Variants in DENND1A observed in about 807,000 individuals in gnomAD.
DENND1A encodes the protein DENN domain containing 1A, also known as DENN domain-containing protein 1A.
A neutral mutation model predicts 113.7 loss-of-function variants in DENND1A; 51 were observed. That is an observed-to-expected ratio of 0.45 (90% CI 0.36 to 0.57). DENND1A has a LOEUF of 0.57. Among genes scored for constraint, DENND1A ranks in the 20% least tolerant of loss-of-function variants. The pLI, the probability that DENND1A is intolerant of heterozygous loss-of-function variation, is 0.00. For missense variants in DENND1A, 1,258 were observed against 1,395.9 expected, an observed-to-expected ratio of 0.90 and a Z score of 1.57; for synonymous variants, 565 against 570.8, an observed-to-expected ratio of 0.99 and a Z score of 0.14.
At position 123,674,782 on chromosome 9, in the gene DENND1A, T is replaced by C. The variant is rs2063964173; in HGVS notation, c.372+1938A>G. Among the ~76,000 whole-genome samples, 3 of 151,982 alleles carry C rather than the reference T, an allele frequency of 2.0e-5. No individual in the cohort carries two copies. The South Asian group carries it at 6.2e-4, about 32-fold the overall frequency. ...GTTGTACCTACCCTTTTATAATCTTTCCCAAATCACATGTTTTAAAAAGTG... is the reference window on the plus strand; with the variant it reads ...GTTGTACCTACCCTTTTATAATCTTCCCCAAATCACATGTTTTAAAAAGTG... On this transcript the variant is annotated intron_variant, in intron 6 of 23. Transcript: ENST00000394215.
chr9:123,615,417 AAGG>A (rs2060604823), intron 10 of DENND1A, among the ~76,000 whole-genome samples: 1 of 152,224 alleles, frequency 6.6e-6, no homozygotes. Context: ...CCTGCAGAGG[AAGG>A]AGGTTAGGTG....
intron 11 of DENND1A, among the ~76,000 whole-genome samples, chr9:123,590,728 G>A (rs1165780407): frequency 6.6e-6 from 1 of 152,158 alleles, no homozygotes; most frequent in Non-Finnish European, 1.5e-5. Context: ...TTAAATGGAT[G>A]GGTTGTGATA....
intron 11 of DENND1A, among the ~76,000 whole-genome samples, chr9:123,590,521 A>C (rs2059406922): frequency 6.6e-6 from 1 of 152,240 alleles, no homozygotes; most frequent in African/African-American, 2.4e-5. Flanking sequence ...AACCGTACCT[A>C]CCTCACAGAT....
rs1486769152 is a variant in DENND1A, at chr9:123,682,319, T to C, written c.303-5530A>G. Among the ~76,000 whole-genome samples the C allele has an allele frequency of 2.6e-5, 4 of 152,318 alleles. No homozygotes were observed. In the East Asian group the frequency reaches 7.7e-4, roughly 29 times the overall value. ...GAAGCAGTGCCTCCCGGGGGAAGACTTGCGGCAGAGCTGCTTGTGTTCATG... is the reference window on the plus strand; with the variant it reads ...GAAGCAGTGCCTCCCGGGGGAAGACCTGCGGCAGAGCTGCTTGTGTTCATG... On this transcript the variant is annotated intron_variant, in intron 5 of 23. Transcript: ENST00000394215.
intron 12 of DENND1A, among the ~76,000 whole-genome samples, chr9:123,576,422 C>T (rs1164670887): frequency 6.6e-6 from 1 of 152,152 alleles, no homozygotes; most frequent in Non-Finnish European, 1.5e-5. Flanking sequence ...TCATTTTTCC[C>T]CGCTGAAGAA....
chr9:123,399,567 T>A (rs1215406389), intron 21 of DENND1A, among the ~76,000 whole-genome samples: 1 of 152,176 alleles, frequency 6.6e-6, no homozygotes, highest in Non-Finnish European at 1.5e-5. Flanking sequence ...TGTTGGTGAA[T>A]GTCATTCCTC....
chr9:123,403,224 G>A (rs1043879906), intron 21 of DENND1A, among the ~76,000 whole-genome samples, 178 bp downstream of exon 21: 1 of 152,228 alleles, frequency 6.6e-6, no homozygotes, highest in Non-Finnish European at 1.5e-5. Context: ...CCACTGGTGT[G>A]ACAACCAGAC....
intron 5 of DENND1A, among the ~76,000 whole-genome samples, chr9:123,699,692 T>TC (rs11383506): frequency 0.16 from 19,145 of 120,912 alleles, 1,010 homozygotes; most frequent in African/African-American, 0.29. Context: ...TTCTTTCTTT[T>TC]TTTTTTTTTT....
intron 2 of DENND1A, among the ~76,000 whole-genome samples, chr9:123,807,757 G>A (rs1317073699): frequency 6.6e-6 from 1 of 152,200 alleles, no homozygotes; most frequent in Non-Finnish European, 1.5e-5. Flanking sequence ...CCTATTCTGT[G>A]TCACACACTG....
chr9:123,706,145 CT>C (rs368559777), intron 5 of DENND1A, among the ~76,000 whole-genome samples: 13,994 of 132,968 alleles, frequency 0.11, 837 homozygotes, highest in African/African-American at 0.19. Context: ...GATATTTTTT[CT>C]TTTTTTTTTT....
rs530293201 is a variant in DENND1A at position 123,586,881 on chromosome 9, C to T, written c.766-3611G>A. Among the ~76,000 whole-genome samples the T allele has an allele frequency of 1.8e-4, 28 of 152,094 alleles. No individual in the cohort carries two copies. In the East Asian group the frequency reaches 4.1e-3, roughly 22 times the overall value. ...TCTCTGCATGGGAACCAAGTGGGGG[C>T]GCAGAGAGGTCAAACAAGCTGCCCA... On this transcript the variant is annotated intron_variant, in intron 11 of 23. Coordinates refer to ENST00000394215, the MANE Select transcript of DENND1A (RefSeq NM_001352964.2).
At chr9:123,714,534 A>G (rs760317545) in intron 5 of DENND1A, among the ~76,000 whole-genome samples, 9 of 152,260 alleles carry the variant, frequency 5.9e-5, no homozygotes, top group Admixed American at 1.3e-4. Flanking sequence ...CCCAGGAGGC[A>G]GAGATTGCAG....
intron 5 of DENND1A, among the ~76,000 whole-genome samples, chr9:123,715,920 C>T (rs2066945887): frequency 6.6e-6 from 1 of 152,050 alleles, no homozygotes; most frequent in Non-Finnish European, 1.5e-5. Context: ...AAGCGATCCC[C>T]CCACCTCAGC....
intron 20 of DENND1A, among the ~76,000 whole-genome samples, chr9:123,404,578 G>T (rs1185923197): frequency 1.3e-5 from 2 of 148,290 alleles, no homozygotes; most frequent in Non-Finnish European, 3.0e-5. Context: ...TGAGTTTCCA[G>T]GACAAGACAG....
chr9:123,529,134 T>G (rs1257661930), intron 13 of DENND1A, among the ~76,000 whole-genome samples: 2 of 152,240 alleles, frequency 1.3e-5, no homozygotes, highest in African/African-American at 4.8e-5. Flanking sequence ...GCAATATTTT[T>G]TTAAACAAAT....
chr9:123,633,346 G>C (rs1407158565), intron 9 of DENND1A, among the ~76,000 whole-genome samples: 1 of 152,112 alleles, frequency 6.6e-6, no homozygotes, highest in Non-Finnish European at 1.5e-5. Flanking sequence ...CTAGTTAATG[G>C]GATGTGTCCT....
chr9:123,926,391 A>C (rs1466171329), intron 1 of DENND1A, among the ~76,000 whole-genome samples: 1 of 152,072 alleles, frequency 6.6e-6, no homozygotes, highest in Non-Finnish European at 1.5e-5. Context: ...AACACGGGAG[A>C]AACCCGTCTC....
At chr9:123,532,392 T>C (rs79106310) in intron 13 of DENND1A, among the ~76,000 whole-genome samples, 10,269 of 152,262 alleles carry the variant, frequency 0.067, 416 homozygotes, top group Non-Finnish European at 0.079. Context: ...CCACGTTCCG[T>C]TGTCCTGTCC....
chr9:123,397,607 C>T lies in DENND1A; in HGVS notation c.1631+5795G>A, dbSNP rs923597500. 4.6e-5 allele frequency among the ~76,000 whole-genome samples: 7 copies of T among 152,246 alleles called. No individual in the cohort carries two copies. The East Asian group carries it at 9.6e-4, about 21-fold the overall frequency. ...AGACAATAGGGGTTACAGAGACACA[C>T]GGAACAAGTCCACATGCTGGCATAT... is the stretch of plus-strand genomic sequence containing the variant. On this transcript the variant is annotated intron_variant, in intron 21 of 23. Coordinates refer to ENST00000394215, the MANE Select transcript of DENND1A (RefSeq NM_001352964.2).
Sources: gnomAD v4.1 joint callset for allele counts (sites outside exome capture counted in the v4.1 genomes callset) on GRCh38, gnomAD v4.1.1 for gene constraint, MANE v1.5 for transcripts, NCBI Gene and HGNC (gene_info 2026-07-23, HGNC 2026-07-21) for gene names.